Variants in RAB11FIP3 observed in about 807,000 individuals in gnomAD.
RAB11FIP3 encodes RAB11 family interacting protein 3.
A neutral mutation model predicts 77.8 loss-of-function variants in RAB11FIP3; 17 were observed. The ratio of observed to expected loss-of-function variants is 0.22; its 90% CI spans 0.15 to 0.33. The LOEUF is 0.33. RAB11FIP3 is among the 10% of genes least tolerant of loss of function. The pLI, the probability that RAB11FIP3 is intolerant of heterozygous loss-of-function variation, is 1.00. For synonymous variants in RAB11FIP3, 437 were observed against 448.2 expected, an observed-to-expected ratio of 0.98 and a Z score of 0.31; for missense variants, 1,005 against 1,011.2, an observed-to-expected ratio of 0.99 and a Z score of 0.08.
intron 10 of RAB11FIP3, 143 bp downstream of exon 10, chr16:519,167 C>T (rs370687061): frequency 2.1e-5 from 17 of 822,960 alleles, no homozygotes; most frequent in East Asian, 1.6e-4. Flanking sequence ...GGGCCCAGGC[C>T]GCTGGAAGAC....
chr16:434,229 C>T (rs545779042), intron 1 of RAB11FIP3, among the ~76,000 whole-genome samples: 1 of 152,318 alleles, frequency 6.6e-6, no homozygotes, highest in South Asian at 2.1e-4. Context: ...TCAAGCAATT[C>T]TCCTGCCTCA....
At position 426,661 on chromosome 16, in the gene RAB11FIP3, G is replaced by A. The variant is rs776908033; in HGVS notation, c.655G>A (p.Asp219Asn). The change falls in exon 1 of 14, where the codon GAC becomes AAC. Residue 219 changes from aspartate to asparagine, a missense_variant. Asp to Asn is a conservative substitution (Grantham distance 23). Around this residue, in one of 4 missense-constraint regions of RAB11FIP3, gnomAD observed 466 missense variants for 408.3 expected, o/e 1.14. Coordinates refer to ENST00000262305, the MANE Select transcript of RAB11FIP3 (RefSeq NM_014700.4). This position sits in a 1 kb window ranked among gnomAD's most constrained non-coding sequence, Gnocchi z 5.0. ...AVFDALDGDG[D>N]GFVRIEDFIQ... is the part of the protein sequence containing the mutation. ...GTTCGATGCCCTGGACGGGGATGGG[G>A]ACGGTTTCGTCCGCATCGAGGACTT... 9.6e-6 allele frequency: 15 copies of A among 1,567,398 alleles called. 1 individual carries two copies. The Admixed American group carries it at 2.0e-4, about 21-fold the overall frequency.
chr16:445,126 A>AAG (rs2141869468), intron 1 of RAB11FIP3, among the ~76,000 whole-genome samples: 1 of 140,250 alleles, frequency 7.1e-6, no homozygotes, highest in Admixed American at 7.3e-5. Flanking sequence ...AAAAAAAAAA[A>AAG]AAAAAGAAAA....
chr16:494,099 T>C (rs2030879241), intron 5 of RAB11FIP3, among the ~76,000 whole-genome samples: 1 of 33,008 alleles, frequency 3.0e-5, no homozygotes. Context: ...ACACAGGGTT[T>C]CACCATGTCT....
At chr16:454,599 A>C (rs1249730072) in intron 1 of RAB11FIP3, among the ~76,000 whole-genome samples, 2 of 151,870 alleles carry the variant, frequency 1.3e-5, no homozygotes, top group Non-Finnish European at 2.9e-5. Context: ...AGCAAAAACC[A>C]AAAAAACCCA....
intron 5 of RAB11FIP3, among the ~76,000 whole-genome samples, chr16:494,107 T>TTAGCCAGGATGGG (rs2030881599): frequency 1.0e-5 from 1 of 95,902 alleles, no homozygotes; most frequent in South Asian, 3.1e-4. Flanking sequence ...TTTCACCATG[T>TTAGCCAGGATGGG]CTCAATCTCC....
intron 6 of RAB11FIP3, among the ~76,000 whole-genome samples, chr16:499,665 A>C (rs1596283115): frequency 6.6e-6 from 1 of 151,576 alleles, no homozygotes; most frequent in East Asian, 2.0e-4. Context: ...GCATGGTGGC[A>C]CACATGCCTG....
At chr16:445,899 C>T (rs1379549562) in intron 1 of RAB11FIP3, among the ~76,000 whole-genome samples, 1 of 152,136 alleles carries the variant, frequency 6.6e-6, no homozygotes, top group African/African-American at 2.4e-5. Flanking sequence ...CACCTAGCAG[C>T]CTCCAGGTAC....
chr16:452,795 G>C (rs1251658783), intron 1 of RAB11FIP3, among the ~76,000 whole-genome samples: 6 of 64,872 alleles, frequency 9.2e-5, no homozygotes, highest in African/African-American at 4.3e-4. Flanking sequence ...TCGCTCTGTT[G>C]CCCAGGCTAG....
Position 488,953 on chromosome 16 carries a change from A to G in RAB11FIP3, c.1218A>G (p.Leu406=). The G allele has an allele frequency of 6.2e-7, 1 of 1,614,024 alleles. No homozygotes were observed. The highest frequency in any genetic ancestry group is 2.2e-5 in the East Asian group (1 of 44,868). ...AGGCGGAGCTGTCCCCAGAGACCCT[A>G]TGCAACGGGCAGCTGGGCTGCAGTG... ...GSEAELSPET[L]CNGQLGCSDP... Residue 406 remains leucine, a synonymous_variant, in exon 5 of 14, where the codon CTA becomes CTG. Coordinates refer to ENST00000262305, the MANE Select transcript of RAB11FIP3 (RefSeq NM_014700.4).
At position 448,022 on chromosome 16, in the gene RAB11FIP3, T is replaced by C. The variant is rs147613660; in HGVS notation, c.715-13382T>C. 7.2e-5 allele frequency among the ~76,000 whole-genome samples: 11 copies of C among 151,914 alleles called. No homozygotes were observed. In the East Asian group the frequency reaches 2.1e-3, roughly 29 times the overall value. On this transcript the variant is annotated intron_variant, in intron 1 of 13. Coordinates refer to ENST00000262305, the MANE Select transcript of RAB11FIP3 (RefSeq NM_014700.4). ...AAAACTGTAAAGAAAATTTGACATA[T>C]GAAAAAGCGTATTGTCCAGGCGCAG...
chr16:518,855 C>T, intron 9 of RAB11FIP3, 88 bp from the exon 10 acceptor site: 1 of 1,414,024 alleles, frequency 7.1e-7, no homozygotes, highest in South Asian at 1.2e-5. Context: ...AGGGCGGCCC[C>T]AGCAGGGTTT....
At chr16:466,729 C>G (rs2055707126) in intron 2 of RAB11FIP3, among the ~76,000 whole-genome samples, 1 of 152,196 alleles carries the variant, frequency 6.6e-6, no homozygotes, top group Non-Finnish European at 1.5e-5. Context: ...ACACGCCAAG[C>G]TGGGGCCTTC....
rs1214618386 is a variant in RAB11FIP3, at chr16:514,373, G to A, written c.1640+3573G>A. 6.6e-6 allele frequency among the ~76,000 whole-genome samples: 1 copy of A among 152,222 alleles called. No individual in the cohort carries two copies. Among genetic ancestry groups the A allele is most frequent in the Admixed American group, 6.5e-5 (1 of 15,288 alleles). Reference sequence around the variant, plus strand: ...TGCAAAGACACTGTCTCAGTCCGGGGTCCTCAGGAGCAGAGGATCTGGAGG... The same window carrying A: ...TGCAAAGACACTGTCTCAGTCCGGGATCCTCAGGAGCAGAGGATCTGGAGG... On this transcript the variant is annotated intron_variant, in intron 9 of 13. Coordinates refer to ENST00000262305, the MANE Select transcript of RAB11FIP3 (RefSeq NM_014700.4). The surrounding 1 kb of genome is among the most constrained non-coding windows in gnomAD (Gnocchi z 4.6).
intron 5 of RAB11FIP3, among the ~76,000 whole-genome samples, chr16:492,345 G>A (rs2030306818): frequency 1.5e-5 from 2 of 129,138 alleles, no homozygotes; most frequent in South Asian, 2.3e-4. Context: ...AAGCAGAAGT[G>A]CTCTTTGAAG....
chr16:518,980 T>C lies in RAB11FIP3; in HGVS notation c.1678T>C (p.Ser560Pro), dbSNP rs1596304454. The C allele has an allele frequency of 6.2e-7, 1 of 1,613,674 alleles. No homozygotes were observed. Among genetic ancestry groups the C allele is most frequent in the African/African-American group, 1.3e-5 (1 of 75,050 alleles). ...GGACGAGGAGAACAGTGAACTCCGG[T>C]CCTGCACGCCCTGTCTGAAGGCCAA... Reference protein sequence around the residue: ...QLDEENSELRSCTPCLKANIE... With the variant: ...QLDEENSELRPCTPCLKANIE... The change falls in exon 10 of 14, where the codon TCC becomes CCC. Residue 560 changes from serine to proline, a missense_variant. Ser to Pro is a moderately conservative substitution (Grantham distance 74). Transcript: ENST00000262305.
chr16:450,025 C>T (rs535795881), intron 1 of RAB11FIP3, among the ~76,000 whole-genome samples: 17 of 152,250 alleles, frequency 1.1e-4, no homozygotes, highest in Non-Finnish European at 1.9e-4. Context: ...AGGCCTTGCC[C>T]ACACTCAAGA....
rs1186948953 is a variant in RAB11FIP3 at position 488,949 on chromosome 16, C to T, written c.1214C>T (p.Thr405Ile). The change falls in exon 5 of 14, where the codon ACC becomes ATC. Residue 405 changes from threonine to isoleucine, a missense_variant. Transcript: ENST00000262305. Reference sequence around the variant, plus strand: ...AGTGAGGCGGAGCTGTCCCCAGAGACCCTATGCAACGGGCAGCTGGGCTGC... The same window carrying T: ...AGTGAGGCGGAGCTGTCCCCAGAGATCCTATGCAACGGGCAGCTGGGCTGC... Reference protein sequence around the residue: ...EGSEAELSPETLCNGQLGCSD... With the variant: ...EGSEAELSPEILCNGQLGCSD... 6.2e-7 allele frequency: 1 copy of T among 1,614,072 alleles called. No homozygotes were observed. The highest frequency in any genetic ancestry group is 1.7e-5 in the Admixed American group (1 of 60,018).
chr16:480,571 T>G (rs1288337664), intron 3 of RAB11FIP3, among the ~76,000 whole-genome samples: 1 of 151,866 alleles, frequency 6.6e-6, no homozygotes, highest in African/African-American at 2.4e-5. Context: ...GTGATCTCAA[T>G]TCACTGCAAC....
Sources: allele counts gnomAD v4.1 joint callset (sites outside exome capture counted in the v4.1 genomes callset), GRCh38; gene constraint gnomAD v4.1.1; regional missense constraint gnomAD v4.1.1; non-coding constraint Gnocchi (gnomAD v3.1); transcripts MANE v1.5; gene names NCBI Gene and HGNC (gene_info 2026-07-23, HGNC 2026-07-21).